NXPH1: variants seen among roughly 807,000 people sequenced by gnomAD.
NXPH1 encodes the protein neurexophilin-1.
NXPH1 carries 5 observed loss-of-function variants against 23.7 expected under a neutral mutation model. That is an observed-to-expected ratio of 0.21 (90% CI 0.11 to 0.44). NXPH1 has a LOEUF of 0.44. Ranked by LOEUF, NXPH1 falls within the 20% of genes least tolerant of loss-of-function variation. NXPH1 has a pLI of 0.99. For synonymous variants in NXPH1, 144 were observed against 122.2 expected (o/e 1.18, Z -1.18); for missense variants, 324 against 321.6 (o/e 1.01, Z -0.06).
At chr7:8,610,387 C>A (rs1490901716) in intron 2 of NXPH1, among the ~76,000 whole-genome samples, 1 of 152,104 alleles carries the variant, frequency 6.6e-6, no homozygotes, top group Non-Finnish European at 1.5e-5. Flanking sequence ...CTGTCTATTT[C>A]CAGATCTTCA....
intron 2 of NXPH1, among the ~76,000 whole-genome samples, chr7:8,479,021 A>G (rs1437583311): frequency 1.3e-5 from 2 of 152,114 alleles, no homozygotes; most frequent in Non-Finnish European, 2.9e-5. Context: ...AAAAATAACT[A>G]TGGAGATATT....
intron 2 of NXPH1, among the ~76,000 whole-genome samples, chr7:8,622,511 G>A (rs1342895179): frequency 6.6e-6 from 1 of 152,150 alleles, no homozygotes; most frequent in African/African-American, 2.4e-5. Context: ...AGTGGCCATA[G>A]AGTAACAAAT....
At chr7:8,505,433 A>G (rs1467436176) in intron 2 of NXPH1, among the ~76,000 whole-genome samples, 2 of 152,064 alleles carry the variant, frequency 1.3e-5, no homozygotes, top group Non-Finnish European at 2.9e-5. Flanking sequence ...TTTGTGAGCA[A>G]TATACCATGA....
chr7:8,691,267 G>C (rs1244635230), intron 2 of NXPH1, among the ~76,000 whole-genome samples: 1 of 152,102 alleles, frequency 6.6e-6, no homozygotes, highest in Non-Finnish European at 1.5e-5. Context: ...TCCTCCCTCA[G>C]CCTTCTGAGT....
chr7:8,611,631 C>G (rs886730807), intron 2 of NXPH1, among the ~76,000 whole-genome samples: 11 of 152,078 alleles, frequency 7.2e-5, no homozygotes, highest in African/African-American at 2.7e-4. Flanking sequence ...AATTTTAAAG[C>G]TTGCTCTGTA....
At chr7:8,539,808 A>G (rs1271976430) in intron 2 of NXPH1, among the ~76,000 whole-genome samples, 1 of 151,818 alleles carries the variant, frequency 6.6e-6, no homozygotes, top group Non-Finnish European at 1.5e-5. Flanking sequence ...TTATTGTTTT[A>G]CTATACTTTT....
At chr7:8,632,791 T>C (rs556859195) in intron 2 of NXPH1, among the ~76,000 whole-genome samples, 3 of 152,332 alleles carry the variant, frequency 2.0e-5, no homozygotes, top group Admixed American at 6.5e-5. Flanking sequence ...CCTAGAAATA[T>C]TGTAGTTTGT....
chr7:8,555,659 T>C (rs1194957054), intron 2 of NXPH1, among the ~76,000 whole-genome samples: 3 of 151,698 alleles, frequency 2.0e-5, no homozygotes, highest in African/African-American at 4.8e-5. Flanking sequence ...CCCAACCTCA[T>C]TTCTTTGTTC....
At chr7:8,665,945 T>C (rs1326991104) in intron 2 of NXPH1, among the ~76,000 whole-genome samples, 1 of 150,358 alleles carries the variant, frequency 6.7e-6, no homozygotes, top group East Asian at 2.0e-4. Context: ...GAAGGAGTCT[T>C]TGGGTTTTTC....
intron 2 of NXPH1, among the ~76,000 whole-genome samples, chr7:8,614,835 G>A (rs1426729116): frequency 6.6e-6 from 1 of 152,000 alleles, no homozygotes; most frequent in Non-Finnish European, 1.5e-5. Flanking sequence ...GATTCATTTT[G>A]TGGCAGTTAT....
At chr7:8,458,734 C>A (rs1001765404) in intron 2 of NXPH1, among the ~76,000 whole-genome samples, 2 of 151,912 alleles carry the variant, frequency 1.3e-5, no homozygotes, top group Non-Finnish European at 2.9e-5. Flanking sequence ...AAAAGAATAA[C>A]CTTTAATTAA....
At chr7:8,503,821 C>CATT (rs1247546152) in intron 2 of NXPH1, among the ~76,000 whole-genome samples, 1 of 152,016 alleles carries the variant, frequency 6.6e-6, no homozygotes, top group Admixed American at 6.6e-5. Flanking sequence ...ACCATCACTG[C>CATT]ATTAGCCTTC....
At chr7:8,744,018 A>C (rs1583257705) in intron 2 of NXPH1, among the ~76,000 whole-genome samples, 1 of 152,040 alleles carries the variant, frequency 6.6e-6, no homozygotes, top group African/African-American at 2.4e-5. Flanking sequence ...TCACACTTCC[A>C]CCATCCAATG....
At chr7:8,649,967 A>G (rs909991911) in intron 2 of NXPH1, among the ~76,000 whole-genome samples, 1 of 152,154 alleles carries the variant, frequency 6.6e-6, no homozygotes, top group African/African-American at 2.4e-5. Flanking sequence ...CTGAAATACT[A>G]TGAAGTACAG....
chr7:8,568,099 T>C (rs1169387855), intron 2 of NXPH1, among the ~76,000 whole-genome samples: 1 of 151,940 alleles, frequency 6.6e-6, no homozygotes, highest in Non-Finnish European at 1.5e-5. Context: ...ATATTCATCC[T>C]AAGTCCTTCA....
At chr7:8,438,916 C>T (rs1207421813) in intron 2 of NXPH1, among the ~76,000 whole-genome samples, 2 of 152,006 alleles carry the variant, frequency 1.3e-5, no homozygotes, top group Non-Finnish European at 2.9e-5. Context: ...AGATATGTGC[C>T]CACAGAGTTA....
intron 2 of NXPH1, among the ~76,000 whole-genome samples, chr7:8,670,508 T>A (rs370407729): frequency 2.0e-5 from 3 of 152,232 alleles, no homozygotes. Flanking sequence ...AAGCTTCTCA[T>A]GTAAACTCGT....
rs557496910 is a variant in NXPH1 at position 8,442,403 on chromosome 7, G to A, written c.54+6636G>A. Among the ~76,000 whole-genome samples the A allele has an allele frequency of 4.5e-4, 68 of 152,174 alleles. No homozygotes were observed. Among genetic ancestry groups the A allele is most frequent in the East Asian group, 3.9e-3 (20 of 5,172 alleles). On this transcript the variant is annotated intron_variant, in intron 2 of 2. Transcript: ENST00000405863. This position sits in a 1 kb window ranked among gnomAD's most constrained non-coding sequence, Gnocchi z 4.6. ...CTGGCCGCGCCTCGCCATCACCCCC[G>A]CCGCCCTAATGGATTCTGAAGCGAA...
intron 2 of NXPH1, among the ~76,000 whole-genome samples, chr7:8,483,202 G>A (rs1817103269): frequency 6.6e-6 from 1 of 152,036 alleles, no homozygotes; most frequent in Admixed American, 6.6e-5. Context: ...TCAGATTTTT[G>A]TTTCTGTGCT....
Sources: allele counts gnomAD v4.1 joint callset (sites outside exome capture counted in the v4.1 genomes callset), GRCh38; gene constraint gnomAD v4.1.1; non-coding constraint Gnocchi (gnomAD v3.1); transcripts MANE v1.5; gene names NCBI Gene and HGNC (gene_info 2026-07-23, HGNC 2026-07-21).